PCBD2: variants seen among roughly 807,000 people sequenced by gnomAD.
PCBD2 encodes pterin-4 alpha-carbinolamine dehydratase 2, also known as pterin-4-alpha-carbinolamine dehydratase 2.
A neutral mutation model predicts 16.4 loss-of-function variants in PCBD2; 12 were observed. The observed-to-expected ratio is 0.73, with a 90% confidence interval of 0.47 to 1.19. The LOEUF (loss-of-function observed/expected upper bound fraction) is 1.19, where lower values mean the gene tolerates loss of function less well. Ranked by LOEUF, PCBD2 falls within the 50% of genes most tolerant of loss-of-function variation. The pLI, the probability that PCBD2 is intolerant of heterozygous loss-of-function variation, is 0.00. For missense variants in PCBD2, 138 were observed against 156.8 expected, an observed-to-expected ratio of 0.88 and a Z score of 0.64; for synonymous variants, 58 against 61.8, an observed-to-expected ratio of 0.94 and a Z score of 0.29.
Position 134,910,409 on chromosome 5 carries a change from G to T in PCBD2, c.159G>T (p.Ser53=). 6.2e-7 allele frequency: 1 copy of T among 1,614,004 alleles called. No individual in the cohort carries two copies. The highest frequency in any genetic ancestry group is 8.5e-7 in the Non-Finnish European group (1 of 1,179,870). Reference sequence around the variant, plus strand: ...TTGACCTTAAAGCAGCAGGATGGTCGGAATTAAGTGAGAGAGATGCCATCT... The same window carrying T: ...TTGACCTTAAAGCAGCAGGATGGTCTGAATTAAGTGAGAGAGATGCCATCT... ...AILDLKAAGW[S]ELSERDAIYK... is the part of the protein sequence containing the mutation. Residue 53 remains serine (S), a synonymous_variant, in exon 2 of 4, where the codon TCG becomes TCT. Transcript: ENST00000254908.
chr5:134,906,880 AC>A (rs1164170256), intron 1 of PCBD2, among the ~76,000 whole-genome samples: 3 of 152,072 alleles, frequency 2.0e-5, no homozygotes, highest in Non-Finnish European at 4.4e-5. Context: ...ATCCTAGCCT[AC>A]CCCCCATCCC....
intron 2 of PCBD2, among the ~76,000 whole-genome samples, chr5:134,920,718 T>G (rs1024742334): frequency 6.6e-6 from 1 of 151,860 alleles, no homozygotes; most frequent in Non-Finnish European, 1.5e-5. Flanking sequence ...TGCAATGGTG[T>G]GATCTTGGCT....
At chr5:134,958,378 G>C (rs754141295) in intron 2 of PCBD2, among the ~76,000 whole-genome samples, 8 of 152,196 alleles carry the variant, frequency 5.3e-5, no homozygotes, top group Admixed American at 2.0e-4. Flanking sequence ...GCAGCCCTCT[G>C]CTCATTTCCT....
intron 2 of PCBD2, chr5:134,923,844 A>T (rs1263027916): frequency 2.5e-6 from 1 of 394,052 alleles, no homozygotes; most frequent in Non-Finnish European, 4.5e-6. Context: ...GTCTCGGGTG[A>T]TATGGGCGAT....
rs1580897446 is a variant in PCBD2, at chr5:134,961,826, A to T, written c.*1145A>T. On this transcript the variant is annotated 3_prime_UTR_variant, in exon 4 of 4. Transcript: ENST00000254908. Reference sequence around the variant, plus strand: ...GCCCAGGCTGGAGTGCAGTGGCAGGATCACGGTTTATTGCAGCCTTAACCT... The same window carrying T: ...GCCCAGGCTGGAGTGCAGTGGCAGGTTCACGGTTTATTGCAGCCTTAACCT... Among the ~76,000 whole-genome samples, 1 of 151,870 alleles carries T rather than the reference A, an allele frequency of 6.6e-6. No individual in the cohort carries two copies. The highest frequency in any genetic ancestry group is 2.1e-4 in the South Asian group (1 of 4,820).
intron 2 of PCBD2, chr5:134,927,342 G>A (rs1380304581): frequency 7.5e-6 from 3 of 398,392 alleles, no homozygotes; most frequent in African/African-American, 6.2e-5. Context: ...GAGTACTGCA[G>A]CAAGTACTAT....
Position 134,926,604 on chromosome 5 carries a change from C to A in PCBD2, c.216+16138C>A. Reference sequence around the variant, plus strand: ...TGCGCTTTCTCGGTAAATAAGGGGTCGTGAGCCTCTGTTGTCAGATTCACA... The same window carrying A: ...TGCGCTTTCTCGGTAAATAAGGGGTAGTGAGCCTCTGTTGTCAGATTCACA... On this transcript the variant is annotated intron_variant, in intron 2 of 3. Coordinates refer to ENST00000254908, the MANE Select transcript of PCBD2 (RefSeq NM_032151.5). The A allele has an allele frequency of 1.0e-5, 4 of 395,530 alleles. No homozygotes were observed. The South Asian group carries it at 5.4e-4, about 53-fold the overall frequency. 24.5% of individuals were successfully genotyped at this position (395,530 alleles called of 1,614,324 possible).
intron 1 of PCBD2, among the ~76,000 whole-genome samples, chr5:134,909,389 C>T (rs543358362): frequency 6.6e-6 from 1 of 152,332 alleles, no homozygotes; most frequent in East Asian, 1.9e-4. Context: ...ATTTGTTTTT[C>T]CCCATCCGGG....
intron 2 of PCBD2, among the ~76,000 whole-genome samples, chr5:134,931,129 A>C (rs1410585647): frequency 6.6e-6 from 1 of 152,138 alleles, no homozygotes; most frequent in African/African-American, 2.4e-5. Context: ...CGTGTTAGCC[A>C]GGATGGTCTC....
intron 1 of PCBD2, 41 bp from the exon 2 acceptor site, chr5:134,910,294 A>G: frequency 6.3e-7 from 1 of 1,598,534 alleles, no homozygotes; most frequent in Non-Finnish European, 8.5e-7. Flanking sequence ...AGTTTGAGTA[A>G]ACTTGTACAT....
Position 134,960,785 on chromosome 5 carries a change from A to T in PCBD2, c.*104A>T. ...GAGTTGTTCTTTTTCTCTTTTTTTT[A>T]AGACAGAGTGTTGCTCTGTCGCCCA... On this transcript the variant is annotated 3_prime_UTR_variant, in exon 4 of 4. Transcript: ENST00000254908. 1 of 980,740 alleles carries T rather than the reference A, an allele frequency of 1.0e-6. No individual in the cohort carries two copies. The highest frequency in any genetic ancestry group is 1.5e-6 in the Non-Finnish European group (1 of 651,694). 60.8% of individuals were successfully genotyped at this position (980,740 alleles called of 1,614,324 possible). A position where few individuals can be genotyped will look rare whatever the true frequency, so the allele number is the denominator to read the frequency against.
At chr5:134,949,252 T>A (rs990736768) in intron 2 of PCBD2, among the ~76,000 whole-genome samples, 4 of 152,166 alleles carry the variant, frequency 2.6e-5, no homozygotes, top group Admixed American at 2.6e-4. Context: ...TCTGGTTTTC[T>A]GAGCCTTGTA....
At chr5:134,909,143 C>T (rs1470161315) in intron 1 of PCBD2, 1 of 152,240 alleles carries the variant, frequency 6.6e-6, no homozygotes, top group African/African-American at 2.4e-5. Flanking sequence ...GCCTGTTAAC[C>T]AACAGAACCT....
intron 2 of PCBD2, chr5:134,926,359 T>C (rs758218374): frequency 4.2e-5 from 16 of 377,118 alleles, no homozygotes; most frequent in Non-Finnish European, 7.0e-5. Context: ...TTTTACTTAA[T>C]GGGGATATGA....
chr5:134,949,851 A>G (rs1411454026), intron 2 of PCBD2, among the ~76,000 whole-genome samples: 1 of 152,246 alleles, frequency 6.6e-6, no homozygotes, highest in African/African-American at 2.4e-5. Flanking sequence ...GTGCTTGGCA[A>G]TGATCTTGCC....
intron 1 of PCBD2, 48 bp downstream of exon 1, chr5:134,905,271 G>T (rs1181285097): frequency 1.2e-5 from 14 of 1,215,134 alleles, no homozygotes; most frequent in Non-Finnish European, 1.4e-5. Flanking sequence ...TCGGGGGGCG[G>T]TGCGAGGCCC....
chr5:134,955,247 T>G (rs1019998476), intron 2 of PCBD2, among the ~76,000 whole-genome samples: 2 of 152,010 alleles, frequency 1.3e-5, no homozygotes, highest in Non-Finnish European at 1.5e-5. Flanking sequence ...ATAGAAAGTT[T>G]TCTTAAATTA....
At position 134,955,300 on chromosome 5, in the gene PCBD2, G is replaced by A. The variant is rs139428293; in HGVS notation, c.217-3740G>A. On this transcript the variant is annotated intron_variant, in intron 2 of 3. Transcript: ENST00000254908. ...TTTCGTATTTTTGTTCAGTTAAATA[G>A]CAACAATGGTTTTTTTTTTTTTTTT... Among the ~76,000 whole-genome samples the A allele has an allele frequency of 7.8e-4, 116 of 149,340 alleles. 2 individuals are homozygous for A. The highest frequency in any genetic ancestry group is 7.5e-3 in the Admixed American group (112 of 14,996).
At chr5:134,918,091 A>C (rs1354342033) in intron 2 of PCBD2, among the ~76,000 whole-genome samples, 1 of 152,226 alleles carries the variant, frequency 6.6e-6, no homozygotes, top group Non-Finnish European at 1.5e-5. Context: ...TGTTGTGCAC[A>C]TCAAAGTTAT....
Sources: gnomAD v4.1 joint callset for allele counts (sites outside exome capture counted in the v4.1 genomes callset) on GRCh38, gnomAD v4.1.1 for gene constraint, MANE v1.5 for transcripts, NCBI Gene and HGNC (gene_info 2026-07-23, HGNC 2026-07-21) for gene names.